Variants in CCDC33 observed in about 807,000 individuals in gnomAD.
CCDC33 encodes coiled-coil domain-containing protein 33.
A neutral mutation model predicts 91.9 loss-of-function variants in CCDC33; 94 were observed. That is an observed-to-expected ratio of 1.02 (90% CI 0.87 to 1.21). The LOEUF is 1.21. Among genes scored for constraint, CCDC33 ranks in the 50% most tolerant of loss-of-function variants. CCDC33 has a pLI of 0.00. For synonymous variants in CCDC33, 396 were observed against 374.5 expected (o/e 1.06, Z -0.66); for missense variants, 940 against 935.5 (o/e 1.00, Z -0.06).
chr15:74,219,202 A>C (rs1183109451), intron 2 of CCDC33, among the ~76,000 whole-genome samples: 2 of 152,210 alleles, frequency 1.3e-5, no homozygotes, highest in African/African-American at 4.8e-5. Flanking sequence ...AGGGGACAGA[A>C]GCCTCCTCTG....
chr15:74,235,702 C>T (rs1244885766), upstream of CCDC33, among the ~76,000 whole-genome samples: 1 of 152,206 alleles, frequency 6.6e-6, no homozygotes, highest in African/African-American at 2.4e-5. Context: ...TGCTCTTTGT[C>T]TTTGTAATAA....
intron 11 of CCDC33, among the ~76,000 whole-genome samples, chr15:74,298,034 G>C (rs1159362406): frequency 2.0e-5 from 3 of 152,216 alleles, no homozygotes. Context: ...ACCAAGGAGG[G>C]GGAAGTACCC....
Position 74,267,628 on chromosome 15 carries a change from C to T in CCDC33, c.430-714C>T, listed in dbSNP as rs148942074. On this transcript the variant is annotated intron_variant, in intron 4 of 18. Transcript: ENST00000398814. Reference sequence around the variant, plus strand: ...CCCCTCCCCACTGTGCATTCCAGACCCTGAAAGTGGTTGAGAGTAAAGAAC... The same window carrying T: ...CCCCTCCCCACTGTGCATTCCAGACTCTGAAAGTGGTTGAGAGTAAAGAAC... Among the ~76,000 whole-genome samples, 8 of 152,170 alleles carry T rather than the reference C, an allele frequency of 5.3e-5. No individual in the cohort carries two copies. The East Asian group carries it at 1.5e-3, about 29-fold the overall frequency.
chr15:74,215,601 T>G (rs972324651), upstream of CCDC33, among the ~76,000 whole-genome samples: 19 of 151,858 alleles, frequency 1.3e-4, no homozygotes, highest in African/African-American at 3.4e-4. Context: ...TCCCCAGAGA[T>G]AATGGGAGAG....
intron 16 of CCDC33, chr15:74,333,297 A>G: frequency 1.3e-6 from 2 of 1,595,442 alleles, no homozygotes; most frequent in African/African-American, 2.7e-5. Flanking sequence ...GGCCACTCAG[A>G]GTGCACAGAG....
At chr15:74,297,756 A>G (rs1294677062) in intron 11 of CCDC33, among the ~76,000 whole-genome samples, 1 of 152,164 alleles carries the variant, frequency 6.6e-6, no homozygotes, top group Non-Finnish European at 1.5e-5. Flanking sequence ...AGGTGCCATC[A>G]TGGGGAAAGG....
chr15:74,280,201 C>A, intron 8 of CCDC33, 109 bp downstream of exon 8: 1 of 1,338,564 alleles, frequency 7.5e-7, no homozygotes, highest in Non-Finnish European at 1.0e-6. Context: ...TGGATGGTTC[C>A]CAGGTGTCCA....
intron 11 of CCDC33, among the ~76,000 whole-genome samples, chr15:74,305,264 A>T (rs1463034755): frequency 2.6e-5 from 4 of 152,166 alleles, no homozygotes; most frequent in Non-Finnish European, 5.9e-5. Flanking sequence ...GCTTCTGAGG[A>T]CTATGCAAGC....
chr15:74,274,983 G>A (rs890991732), intron 7 of CCDC33, among the ~76,000 whole-genome samples: 4 of 152,272 alleles, frequency 2.6e-5, no homozygotes, highest in African/African-American at 9.6e-5. Flanking sequence ...GGTAAGGAGG[G>A]GTGGGGATTG....
chr15:74,236,528 C>G lies in CCDC33; in HGVS notation c.-192C>G, dbSNP rs1179506998. On this transcript the variant is annotated 5_prime_UTR_variant, in exon 1 of 19. Transcript: ENST00000398814. ...CACCTGGCCACCCTCCCCCTCCCCC[C>G]ACATCCAGGCCCCAGGGCTGGTGTG... 3 of 430,404 alleles carry G rather than the reference C, an allele frequency of 7.0e-6. No individual in the cohort carries two copies. The highest frequency in any genetic ancestry group is 4.1e-5 in the African/African-American group (2 of 49,356). The allele number at this position is 430,404 out of a possible 1,614,324, so 26.7% of individuals were successfully genotyped here.
At chr15:74,203,209 C>A (rs539095446) in intron 1 of CCDC33, 2 of 972,786 alleles carry the variant, frequency 2.1e-6, no homozygotes, top group South Asian at 9.6e-5. Context: ...ATTGGTAAAC[C>A]CTTTTTGTTC....
chr15:74,292,035 T>C (rs1180777825), intron 10 of CCDC33, among the ~76,000 whole-genome samples: 1 of 152,202 alleles, frequency 6.6e-6, no homozygotes, highest in Non-Finnish European at 1.5e-5. Context: ...CCAATTATAG[T>C]CTTAATGAAC....
chr15:74,333,596 C>T (rs967477974), intron 16 of CCDC33, among the ~76,000 whole-genome samples: 7 of 152,094 alleles, frequency 4.6e-5, no homozygotes, highest in African/African-American at 1.4e-4. Context: ...ACTCCCAGTG[C>T]GTTAATTATA....
chr15:74,263,182 T>G (rs2076073724), intron 3 of CCDC33, among the ~76,000 whole-genome samples: 1 of 152,234 alleles, frequency 6.6e-6, no homozygotes, highest in Non-Finnish European at 1.5e-5. Flanking sequence ...ATGTGCACAC[T>G]TATATTTACT....
At chr15:74,234,802 G>A (rs530730082), upstream of CCDC33, among the ~76,000 whole-genome samples, 194 of 152,380 alleles carry the variant, frequency 1.3e-3, 2 homozygotes, top group African/African-American at 4.6e-3. Flanking sequence ...ACCACAGTGA[G>A]GCAGGCAAGG....
intron 11 of CCDC33, chr15:74,311,469 C>T (rs1567023135): frequency 6.6e-6 from 1 of 152,216 alleles, no homozygotes; most frequent in Non-Finnish European, 1.5e-5. Flanking sequence ...GATCTCAACC[C>T]CTCCAGCTGA....
At chr15:74,325,381 C>A (rs982954306) in intron 11 of CCDC33, among the ~76,000 whole-genome samples, 6 of 152,156 alleles carry the variant, frequency 3.9e-5, no homozygotes, top group African/African-American at 1.4e-4. Flanking sequence ...AGAGCCCTCT[C>A]CCCTACCCCG....
At chr15:74,332,907 G>C in intron 16 of CCDC33, 62 bp downstream of exon 16, 1 of 1,563,080 alleles carries the variant, frequency 6.4e-7, no homozygotes, top group Non-Finnish European at 8.7e-7. Context: ...AATCACCCAT[G>C]GTACAACCCA....
chr15:74,318,934 A>G lies in CCDC33; in HGVS notation c.1291-11255A>G, dbSNP rs577381976. ...TCTGGGAAAATCCCTTGAAGTGATC[A>G]TTGCCTCCTGCTAGTCTGGGCCCTA... On this transcript the variant is annotated intron_variant, in intron 11 of 18. Coordinates refer to ENST00000398814, the MANE Select transcript of CCDC33 (RefSeq NM_025055.5). Among the ~76,000 whole-genome samples the G allele has an allele frequency of 2.0e-5, 3 of 152,182 alleles. No individual in the cohort carries two copies. In the East Asian group the frequency reaches 5.8e-4, roughly 29 times the overall value.
Sources: gnomAD v4.1 joint callset for allele counts (sites outside exome capture counted in the v4.1 genomes callset) on GRCh38, gnomAD v4.1.1 for gene constraint, MANE v1.5 for transcripts, NCBI Gene and HGNC (gene_info 2026-07-23, HGNC 2026-07-21) for gene names.